Variants in PCDH7 observed in about 807,000 individuals in gnomAD.
The protein encoded by PCDH7 is protocadherin-7.
Under a neutral mutation model 58.9 loss-of-function variants are expected in PCDH7, and 17 were observed. The observed-to-expected ratio is 0.29, with a 90% CI of 0.20 to 0.43. The LOEUF (loss-of-function observed/expected upper bound fraction) is 0.43. PCDH7 is among the 20% of genes least tolerant of loss of function. The pLI is 1.00. For missense variants in PCDH7, 1,274 were observed against 1,441.0 expected (o/e 0.88, Z 1.88); for synonymous variants, 664 against 616.4 (o/e 1.08, Z -1.14).
At chr4:30,758,487 A>G (rs2109265990) in intron 1 of PCDH7, among the ~76,000 whole-genome samples, 2 of 152,334 alleles carry the variant, frequency 1.3e-5, no homozygotes, top group Middle Eastern at 6.8e-3. Flanking sequence ...TACTGCCCGT[A>G]AGTTTGTAAC....
At chr4:30,885,269 G>A (rs1042155393) in intron 1 of PCDH7, 2 of 152,130 alleles carry the variant, frequency 1.3e-5, no homozygotes, top group African/African-American at 2.4e-5. Context: ...CACAGACTCT[G>A]CAGCCACGTT....
chr4:30,894,520 CA>C (rs1739119014), intron 1 of PCDH7, among the ~76,000 whole-genome samples: 1 of 38,076 alleles, frequency 2.6e-5, no homozygotes, highest in African/African-American at 1.8e-4. Context: ...TATATATACA[CA>C]CACACACACA....
chr4:31,062,026 G>C (rs942633711), intron 3 of PCDH7, among the ~76,000 whole-genome samples: 4 of 151,678 alleles, frequency 2.6e-5, no homozygotes, highest in Admixed American at 2.6e-4. Flanking sequence ...ATACACAAGG[G>C]AGAGTAACAG....
At chr4:31,111,501 G>T (rs942667863) in intron 3 of PCDH7, among the ~76,000 whole-genome samples, 2 of 151,790 alleles carry the variant, frequency 1.3e-5, no homozygotes, top group African/African-American at 4.8e-5. Context: ...GTAGAGACGG[G>T]GTTTTTCTGT....
At chr4:30,747,702 C>T (rs1258851293) in intron 1 of PCDH7, among the ~76,000 whole-genome samples, 1 of 152,174 alleles carries the variant, frequency 6.6e-6, no homozygotes, top group Non-Finnish European at 1.5e-5. Context: ...TGTTTAGAAA[C>T]TTTAATTCCA....
At chr4:30,872,956 G>C (rs989029357) in intron 1 of PCDH7, among the ~76,000 whole-genome samples, 1 of 152,046 alleles carries the variant, frequency 6.6e-6, no homozygotes, top group Non-Finnish European at 1.5e-5. Context: ...ATGATAGCTA[G>C]TCACATTGAC....
At position 30,988,384 on chromosome 4, in the gene PCDH7, C is replaced by T. The variant is rs560124432; in HGVS notation, c.*7+38169C>T. 1.3e-4 allele frequency among the ~76,000 whole-genome samples: 20 copies of T among 152,264 alleles called. No homozygotes were observed. In the South Asian group the frequency reaches 4.1e-3, roughly 32 times the overall value. ...GGTAGACAGAATAGTCACCTACATA[C>T]TCTTAGTTATAAACAGTTGTAAACA... On this transcript the variant is annotated intron_variant, in intron 3 of 3. Coordinates refer to the PCDH7 transcript ENST00000509759.
At chr4:30,990,149 G>A (rs1286893665) in intron 3 of PCDH7, among the ~76,000 whole-genome samples, 1 of 151,762 alleles carries the variant, frequency 6.6e-6, no homozygotes, top group East Asian at 1.9e-4. Flanking sequence ...ATAAGAGCAA[G>A]CATTCAGCAT....
intron 3 of PCDH7, among the ~76,000 whole-genome samples, chr4:31,021,553 G>A (rs1003297563): frequency 1.3e-5 from 2 of 152,144 alleles, no homozygotes. Flanking sequence ...ATATAATTCA[G>A]TGTGGGTGTC....
At chr4:31,142,157 A>T (rs1397059003) in intron 3 of PCDH7, among the ~76,000 whole-genome samples, 3 of 152,148 alleles carry the variant, frequency 2.0e-5, no homozygotes, top group Non-Finnish European at 4.4e-5. Context: ...TTACCTATGT[A>T]TTTAGAGCTT....
chr4:30,956,162 C>T (rs887035614), intron 3 of PCDH7, among the ~76,000 whole-genome samples: 3 of 151,218 alleles, frequency 2.0e-5, no homozygotes, highest in South Asian at 4.2e-4. Context: ...TGCAGTGAGC[C>T]GAGATCATGC....
intron 3 of PCDH7, among the ~76,000 whole-genome samples, chr4:31,104,035 C>T (rs1715239192): frequency 6.6e-6 from 1 of 152,212 alleles, no homozygotes. Context: ...CCTTGGTGGT[C>T]AAAAGCCAAC....
chr4:30,821,241 C>T (rs956322341), intron 1 of PCDH7, among the ~76,000 whole-genome samples: 7 of 152,138 alleles, frequency 4.6e-5, no homozygotes, highest in Non-Finnish European at 8.8e-5. Context: ...ACTATTCTAC[C>T]TCCTCTTTGC....
At chr4:30,882,441 T>C (rs562714286) in intron 1 of PCDH7, among the ~76,000 whole-genome samples, 2 of 152,160 alleles carry the variant, frequency 1.3e-5, no homozygotes, top group Admixed American at 6.6e-5. Context: ...TTGTTCTTTG[T>C]AGAGACAGGA....
rs1463739278 is a variant in PCDH7 at position 31,071,487 on chromosome 4, A to AAGCTC, written c.*8-70984_*8-70980dup. ...GAATAACGTTGAACATATATTTGAC[A>AAGCTC]AGCTCACCCTATCATAATGATGCTT... is the stretch of plus-strand genomic sequence containing the variant. On this transcript the variant is annotated intron_variant, in intron 3 of 3. Coordinates refer to the PCDH7 transcript ENST00000509759. 2.0e-5 allele frequency among the ~76,000 whole-genome samples: 3 copies of AAGCTC among 152,214 alleles called. No homozygotes were observed. In the East Asian group the frequency reaches 5.8e-4, roughly 29 times the overall value.
chr4:31,076,141 G>T (rs1333451025), intron 3 of PCDH7, among the ~76,000 whole-genome samples: 1 of 152,102 alleles, frequency 6.6e-6, no homozygotes, highest in Non-Finnish European at 1.5e-5. Context: ...GGCTGTTTTT[G>T]AAGCTCTTAG....
intron 3 of PCDH7, among the ~76,000 whole-genome samples, chr4:31,056,911 A>T (rs1229987832): frequency 6.6e-6 from 1 of 152,132 alleles, no homozygotes; most frequent in Non-Finnish European, 1.5e-5. Context: ...CCATTAGTCA[A>T]ATATCCAAAT....
At chr4:30,769,585 C>T (rs2109277065) in intron 1 of PCDH7, among the ~76,000 whole-genome samples, 1 of 152,280 alleles carries the variant, frequency 6.6e-6, no homozygotes, top group South Asian at 2.1e-4. Flanking sequence ...TTTTAAGATA[C>T]ACTCTATCAT....
chr4:30,736,153 A>T (rs533646155), downstream of PCDH7, among the ~76,000 whole-genome samples: 1 of 152,300 alleles, frequency 6.6e-6, no homozygotes, highest in South Asian at 2.1e-4. Flanking sequence ...ACCCTAACTT[A>T]ACTGGAGGAA....
Sources: allele counts gnomAD v4.1 joint callset (sites outside exome capture counted in the v4.1 genomes callset), GRCh38; gene constraint gnomAD v4.1.1; transcripts MANE v1.5; gene names NCBI Gene and HGNC (gene_info 2026-07-23, HGNC 2026-07-21).